The following AGBL4 variants were observed in gnomAD, a reference collection of about 807,000 sequenced individuals.
The protein encoded by AGBL4 is AGBL carboxypeptidase 4, also known as cytosolic carboxypeptidase 6.
A neutral mutation model predicts 66.4 loss-of-function variants in AGBL4; 58 were observed. The observed-to-expected ratio is 0.87, with a 90% confidence interval of 0.71 to 1.09. The LOEUF (loss-of-function observed/expected upper bound fraction) is 1.09, where lower values mean the gene tolerates loss of function less well. Ranked by LOEUF, AGBL4 falls within the 50% of genes least tolerant of loss-of-function variation. The pLI, the probability that AGBL4 is intolerant of heterozygous loss-of-function variation, is 0.00. For synonymous variants in AGBL4, 234 were observed against 222.9 expected (o/e 1.05, Z -0.44); for missense variants, 579 against 631.0 (o/e 0.92, Z 0.88).
At chr1:48,662,936 C>A (rs1379274627) in intron 7 of AGBL4, among the ~76,000 whole-genome samples, 1 of 152,210 alleles carries the variant, frequency 6.6e-6, no homozygotes, top group Non-Finnish European at 1.5e-5. Flanking sequence ...ATCCATCCAT[C>A]CATCTATCCA....
At chr1:48,850,771 C>T (rs1647015911) in intron 6 of AGBL4, among the ~76,000 whole-genome samples, 1 of 152,154 alleles carries the variant, frequency 6.6e-6, no homozygotes, top group Admixed American at 6.5e-5. Context: ...CCCGCCTCAG[C>T]CTCCCACCCA....
At chr1:48,951,825 A>G (rs890593775) in intron 5 of AGBL4, among the ~76,000 whole-genome samples, 6 of 152,366 alleles carry the variant, frequency 3.9e-5, no homozygotes, top group Non-Finnish European at 7.3e-5. Context: ...TTTGATGAGA[A>G]TTGTTGAACA....
chr1:49,394,212 A>G (rs1045867276), intron 3 of AGBL4, among the ~76,000 whole-genome samples: 4 of 152,054 alleles, frequency 2.6e-5, no homozygotes, highest in African/African-American at 4.8e-5. Flanking sequence ...TGGCAACACG[A>G]AAGTATCAAC....
intron 4 of AGBL4, among the ~76,000 whole-genome samples, chr1:49,133,811 C>A (rs945252651): frequency 2.0e-5 from 3 of 151,914 alleles, no homozygotes; most frequent in African/African-American, 7.3e-5. Flanking sequence ...TGTATAAGAG[C>A]AATACTTAGA....
At chr1:49,276,412 C>A (rs1644169001) in intron 3 of AGBL4, among the ~76,000 whole-genome samples, 1 of 152,058 alleles carries the variant, frequency 6.6e-6, no homozygotes, top group Non-Finnish European at 1.5e-5. Flanking sequence ...TCAAGGATAT[C>A]AAAATATTTT....
intron 5 of AGBL4, among the ~76,000 whole-genome samples, chr1:48,943,183 C>G (rs1271518826): frequency 6.6e-6 from 1 of 152,174 alleles, no homozygotes; most frequent in Non-Finnish European, 1.5e-5. Flanking sequence ...GCTGGGGAAT[C>G]CATAAGGACA....
chr1:48,915,578 T>TA (rs1557457230), intron 5 of AGBL4, among the ~76,000 whole-genome samples: 1 of 152,158 alleles, frequency 6.6e-6, no homozygotes, highest in African/African-American at 2.4e-5. Context: ...CAATAAACAC[T>TA]AAAAAACGTG....
chr1:48,999,382 G>A (rs1661234794), intron 5 of AGBL4, among the ~76,000 whole-genome samples: 3 of 152,112 alleles, frequency 2.0e-5, no homozygotes, highest in Admixed American at 2.0e-4. Flanking sequence ...AATACCTTCA[G>A]GCTCCCTTCC....
chr1:49,095,559 G>A (rs925977622), intron 4 of AGBL4, among the ~76,000 whole-genome samples: 1 of 152,132 alleles, frequency 6.6e-6, no homozygotes, highest in Non-Finnish European at 1.5e-5. Flanking sequence ...TCGGATCTTT[G>A]ACAAACCTGA....
chr1:49,598,883 GT>G (rs1401057710), intron 3 of AGBL4, among the ~76,000 whole-genome samples: 1 of 152,170 alleles, frequency 6.6e-6, no homozygotes, highest in Non-Finnish European at 1.5e-5. Flanking sequence ...CATTGTTTCT[GT>G]TTATGTGATG....
At chr1:49,297,697 T>C (rs1212641905) in intron 3 of AGBL4, among the ~76,000 whole-genome samples, 1 of 152,232 alleles carries the variant, frequency 6.6e-6, no homozygotes, top group Non-Finnish European at 1.5e-5. Context: ...CGGACAGTTT[T>C]TCCTTATGTG....
At chr1:49,811,157 T>C (rs1450136592) in intron 2 of AGBL4, among the ~76,000 whole-genome samples, 3 of 152,108 alleles carry the variant, frequency 2.0e-5, no homozygotes, top group African/African-American at 7.2e-5. Context: ...TGAGGTAAAA[T>C]GATGTGTTTT....
At chr1:49,691,930 G>A (rs1646895669) in intron 3 of AGBL4, among the ~76,000 whole-genome samples, 1 of 152,096 alleles carries the variant, frequency 6.6e-6, no homozygotes, top group Admixed American at 6.5e-5. Flanking sequence ...TCCTCAGCCT[G>A]CAGATGGCCT....
chr1:48,607,120 C>T (rs1645165572), intron 9 of AGBL4, among the ~76,000 whole-genome samples: 1 of 152,076 alleles, frequency 6.6e-6, no homozygotes, highest in Admixed American at 6.5e-5. Flanking sequence ...CTTTTTCATA[C>T]CATAATAATT....
chr1:49,710,126 A>G (rs1297425328), intron 2 of AGBL4, among the ~76,000 whole-genome samples: 1 of 152,196 alleles, frequency 6.6e-6, no homozygotes, highest in East Asian at 1.9e-4. Flanking sequence ...TTCTACTATA[A>G]AGACACATGC....
intron 1 of AGBL4, among the ~76,000 whole-genome samples, chr1:49,913,691 C>A (rs1196773686): frequency 6.6e-6 from 1 of 152,262 alleles, no homozygotes; most frequent in Non-Finnish European, 1.5e-5. Context: ...GCCTGGGCAA[C>A]TAGGCTATTT....
At chr1:49,708,834 A>G (rs1647406353) in intron 2 of AGBL4, among the ~76,000 whole-genome samples, 1 of 152,072 alleles carries the variant, frequency 6.6e-6, no homozygotes. Context: ...CTGCTTGAGT[A>G]TACTGGAGGT....
intron 2 of AGBL4, among the ~76,000 whole-genome samples, chr1:49,783,839 T>C (rs1313378884): frequency 2.6e-5 from 4 of 152,174 alleles, no homozygotes; most frequent in African/African-American, 9.6e-5. Flanking sequence ...AAAAAATTTA[T>C]TGTATTTCTA....
chr1:48,580,118 G>T (rs1020000063), intron 11 of AGBL4, among the ~76,000 whole-genome samples: 2 of 152,132 alleles, frequency 1.3e-5, no homozygotes, highest in African/African-American at 4.8e-5. Flanking sequence ...CTCACCTTCA[G>T]ACATGAGAGC....
Sources: gnomAD v4.1 joint callset for allele counts (sites outside exome capture counted in the v4.1 genomes callset) on GRCh38, gnomAD v4.1.1 for gene constraint, MANE v1.5 for transcripts, NCBI Gene and HGNC (gene_info 2026-07-23, HGNC 2026-07-21) for gene names.